KCNIP4: variants seen among roughly 807,000 people sequenced by gnomAD.
The protein encoded by KCNIP4 is potassium voltage-gated channel interacting protein 4, also known as Kv channel-interacting protein 4.
KCNIP4 carries 12 observed loss-of-function variants against 34.0 expected under a neutral mutation model. The ratio of observed to expected loss-of-function variants is 0.35; its 90% CI spans 0.23 to 0.57. The LOEUF (loss-of-function observed/expected upper bound fraction) is 0.57. Ranked by LOEUF, KCNIP4 falls within the 20% of genes least tolerant of loss-of-function variation. The pLI, the probability that KCNIP4 is intolerant of heterozygous loss-of-function variation, is 0.83. For missense variants in KCNIP4, 238 were observed against 311.7 expected, an observed-to-expected ratio of 0.76 and a Z score of 1.78; for synonymous variants, 124 against 102.2, an observed-to-expected ratio of 1.21 and a Z score of -1.29.
intron 1 of KCNIP4, among the ~76,000 whole-genome samples, chr4:21,728,844 C>T (rs12513338): frequency 0.3 from 45,755 of 151,814 alleles, 8,006 homozygotes; most frequent in East Asian, 0.68. Context: ...CAAGATTCAA[C>T]TTTTCAATGA....
intron 1 of KCNIP4, among the ~76,000 whole-genome samples, chr4:20,932,486 T>C (rs940398275): frequency 6.6e-5 from 10 of 151,720 alleles, no homozygotes; most frequent in Admixed American, 5.9e-4. Context: ...TATAATAGTC[T>C]AATATTGTAG....
chr4:20,955,131 CAG>C (rs1733162606), intron 1 of KCNIP4, among the ~76,000 whole-genome samples: 1 of 152,146 alleles, frequency 6.6e-6, no homozygotes, highest in Non-Finnish European at 1.5e-5. Context: ...TTGAGCATGG[CAG>C]AGGTCTGGTG....
intron 1 of KCNIP4, among the ~76,000 whole-genome samples, chr4:21,220,641 T>C (rs1246791417): frequency 2.0e-5 from 3 of 152,070 alleles, no homozygotes; most frequent in Non-Finnish European, 4.4e-5. Flanking sequence ...TAAACCTTTT[T>C]TGTGCTACTT....
At chr4:21,513,813 A>G (rs1470281123) in intron 1 of KCNIP4, among the ~76,000 whole-genome samples, 1 of 152,198 alleles carries the variant, frequency 6.6e-6, no homozygotes, top group East Asian at 1.9e-4. Context: ...AAAAGAATCC[A>G]AATCCTTGGA....
intron 1 of KCNIP4, among the ~76,000 whole-genome samples, chr4:20,976,293 C>G (rs1393712530): frequency 2.0e-5 from 3 of 152,174 alleles, no homozygotes; most frequent in African/African-American, 4.8e-5. Flanking sequence ...CTGTGTCTAA[C>G]AGGTCAGCTA....
At chr4:21,285,697 C>T (rs2049166538) in intron 1 of KCNIP4, among the ~76,000 whole-genome samples, 1 of 152,072 alleles carries the variant, frequency 6.6e-6, no homozygotes, top group South Asian at 2.1e-4. Flanking sequence ...AAAAAAAAGC[C>T]AGGCATGGTA....
intron 1 of KCNIP4, among the ~76,000 whole-genome samples, chr4:21,184,731 C>A (rs1180355584): frequency 2.0e-5 from 3 of 152,130 alleles, no homozygotes. Context: ...ATACATTTAT[C>A]AATTATGGCT....
At chr4:20,996,807 T>A (rs1208586941) in intron 1 of KCNIP4, among the ~76,000 whole-genome samples, 1 of 152,064 alleles carries the variant, frequency 6.6e-6, no homozygotes, top group Non-Finnish European at 1.5e-5. Context: ...TCCTATCTCA[T>A]CCCACTTGTG....
chr4:20,889,860 G>T (rs565557217), intron 1 of KCNIP4, among the ~76,000 whole-genome samples: 1 of 149,494 alleles, frequency 6.7e-6, no homozygotes, highest in African/African-American at 2.5e-5. Context: ...ACACTTTAAA[G>T]ACCATAAAAC....
intron 1 of KCNIP4, among the ~76,000 whole-genome samples, chr4:21,338,387 T>A (rs1348467513): frequency 6.6e-6 from 1 of 151,928 alleles, no homozygotes; most frequent in Non-Finnish European, 1.5e-5. Flanking sequence ...ACCATTTTTT[T>A]TAAATACATT....
At chr4:21,870,915 A>G (rs1725753628) in intron 1 of KCNIP4, among the ~76,000 whole-genome samples, 1 of 152,216 alleles carries the variant, frequency 6.6e-6, no homozygotes, top group African/African-American at 2.4e-5. Flanking sequence ...AGAGTTAAGT[A>G]TTAGTAATAA....
intron 1 of KCNIP4, among the ~76,000 whole-genome samples, chr4:21,861,720 T>C (rs1199490062): frequency 6.6e-6 from 1 of 150,388 alleles, no homozygotes; most frequent in Non-Finnish European, 1.5e-5. Context: ...TTAAATTGAG[T>C]CCATAGCCTC....
intron 1 of KCNIP4, among the ~76,000 whole-genome samples, chr4:21,080,219 T>A (rs1202402325): frequency 6.6e-6 from 1 of 151,860 alleles, no homozygotes. Flanking sequence ...AGGCAAGTTA[T>A]TAAATTTTTA....
intron 1 of KCNIP4, among the ~76,000 whole-genome samples, chr4:21,795,761 T>C (rs16871915): frequency 0.049 from 7,483 of 152,150 alleles, 232 homozygotes; most frequent in African/African-American, 0.087. Context: ...CACTTTCTTC[T>C]TTGAAAAAAA....
intron 2 of KCNIP4, among the ~76,000 whole-genome samples, chr4:20,858,928 G>A (rs1446207312): frequency 2.0e-5 from 3 of 152,082 alleles, no homozygotes; most frequent in Non-Finnish European, 4.4e-5. Flanking sequence ...GACAGGGCTG[G>A]GATTTAATCC....
chr4:21,878,176 A>T lies in KCNIP4; in HGVS notation c.61+70395T>A, dbSNP rs940339708. 3.9e-5 allele frequency among the ~76,000 whole-genome samples: 6 copies of T among 152,280 alleles called. No homozygotes were observed. In the East Asian group the frequency reaches 1.2e-3, roughly 29 times the overall value. On this transcript the variant is annotated intron_variant, in intron 1 of 8. Coordinates refer to ENST00000382152, the MANE Select transcript of KCNIP4 (RefSeq NM_025221.6). Reference sequence around the variant, plus strand: ...CTGTAGCCTCCACCTTTCAGATGCAAGTCATTCTCCTGCCTCAGCCACCCA... The same window carrying T: ...CTGTAGCCTCCACCTTTCAGATGCATGTCATTCTCCTGCCTCAGCCACCCA...
At chr4:21,039,391 G>A (rs995661982) in intron 1 of KCNIP4, among the ~76,000 whole-genome samples, 9 of 150,594 alleles carry the variant, frequency 6.0e-5, no homozygotes, top group Non-Finnish European at 1.3e-4. Context: ...AAAAAAAAAA[G>A]GAATAAGCAT....
chr4:21,948,713 A>G lies in KCNIP4; in HGVS notation c.-82T>C. ...TGTCCACGGGTCTGCACGGGAGCGC[A>G]CCGCCGCTCGGCCCGGGGGCGTCCG... On this transcript the variant is annotated 5_prime_UTR_variant, in exon 1 of 9. Coordinates refer to ENST00000382152, the MANE Select transcript of KCNIP4 (RefSeq NM_025221.6). 1 of 1,431,150 alleles carries G rather than the reference A, an allele frequency of 7.0e-7. No individual in the cohort carries two copies. Among genetic ancestry groups the G allele is most frequent in the South Asian group, 1.5e-5 (1 of 66,752 alleles). 88.7% of individuals were successfully genotyped at this position (1,431,150 alleles called of 1,614,324 possible).
intron 1 of KCNIP4, among the ~76,000 whole-genome samples, chr4:21,759,149 C>T (rs549113489): frequency 6.6e-6 from 1 of 152,164 alleles, no homozygotes; most frequent in South Asian, 2.1e-4. Flanking sequence ...CTAAGCTGTT[C>T]CCATGAAAAT....
Sources: allele counts gnomAD v4.1 joint callset (sites outside exome capture counted in the v4.1 genomes callset), GRCh38; gene constraint gnomAD v4.1.1; transcripts MANE v1.5; gene names NCBI Gene and HGNC (gene_info 2026-07-23, HGNC 2026-07-21).